ZBTB41: variants seen among roughly 807,000 people sequenced by gnomAD.
The protein encoded by ZBTB41 is zinc finger and BTB domain containing 41.
A neutral mutation model predicts 87.6 loss-of-function variants in ZBTB41; 42 were observed. The observed-to-expected ratio is 0.48, with a 90% CI of 0.37 to 0.62. ZBTB41 has a LOEUF of 0.62. Among genes scored for constraint, ZBTB41 ranks in the 20% least tolerant of loss-of-function variants. The pLI, the probability that ZBTB41 is intolerant of heterozygous loss-of-function variation, is 0.00. For missense variants in ZBTB41, 799 were observed against 1,078.9 expected (o/e 0.74, Z 3.63); for synonymous variants, 364 against 364.0 (o/e 1.00, Z 0.00).
At chr1:197,173,820 C>T (rs553898534) in intron 9 of ZBTB41, among the ~76,000 whole-genome samples, 16 of 152,044 alleles carry the variant, frequency 1.1e-4, no homozygotes, top group Non-Finnish European at 2.2e-4. Context: ...AAGTAGTACT[C>T]GACTGGGGGC....
At chr1:197,183,872 A>G (rs1271511968) in intron 5 of ZBTB41, among the ~76,000 whole-genome samples, 1 of 152,174 alleles carries the variant, frequency 6.6e-6, no homozygotes, top group African/African-American at 2.4e-5. Context: ...TTCCAGTTCA[A>G]CCACTTCTGA....
At position 197,158,089 on chromosome 1, in the gene ZBTB41, A is replaced by C. The variant is rs745997442; in HGVS notation, c.*1270T>G. The stretch of plus-strand genomic sequence containing the variant: ...TTATCTTAGTTTTTAGTTAAAATTG[A>C]CTTGAAAATATGGAAAGTGCATGTC... On this transcript the variant is annotated 3_prime_UTR_variant, in exon 11 of 11. Transcript: ENST00000367405. 7.2e-5 allele frequency: 11 copies of C among 152,508 alleles called. No individual in the cohort carries two copies. The highest frequency in any genetic ancestry group is 2.6e-4 in the African/African-American group (11 of 41,554). The allele number at this position is 152,508 out of a possible 1,614,324, so 9.4% of individuals were successfully genotyped here.
At position 197,155,311 on chromosome 1, in the gene ZBTB41, TAAA is replaced by T. The variant is rs986678895; in HGVS notation, c.*4045_*4047del. The stretch of plus-strand genomic sequence containing the variant: ...TTGCCTATATAAACATAAAGCAACC[TAAA>T]AAAAAAAAGTTGCCCAACCAGCAGG... On this transcript the variant is annotated 3_prime_UTR_variant, in exon 11 of 11. Coordinates refer to ENST00000367405, the MANE Select transcript of ZBTB41 (RefSeq NM_194314.3). The T allele has an allele frequency of 1.4e-5, 2 of 138,174 alleles. No individual in the cohort carries two copies. The highest frequency in any genetic ancestry group is 2.7e-5 in the African/African-American group (1 of 37,504). 8.6% of individuals were successfully genotyped at this position (138,174 alleles called of 1,614,324 possible).
chr1:197,169,642 G>A (rs1345971634), intron 10 of ZBTB41, among the ~76,000 whole-genome samples: 1 of 151,886 alleles, frequency 6.6e-6, no homozygotes, highest in Admixed American at 6.6e-5. Context: ...CTACATTGAT[G>A]GATTCATTCA....
chr1:197,186,424 T>C (rs1659884879), intron 5 of ZBTB41, among the ~76,000 whole-genome samples: 1 of 152,172 alleles, frequency 6.6e-6, no homozygotes, highest in Non-Finnish European at 1.5e-5. Context: ...TTGGACTTAA[T>C]TAAAATTTTC....
chr1:197,200,342 A>G lies in ZBTB41; in HGVS notation c.132T>C (p.Thr44=). The change falls in exon 2 of 11, where the codon ACT becomes ACC. Residue 44 remains threonine, a synonymous_variant. Coordinates refer to ENST00000367405, the MANE Select transcript of ZBTB41 (RefSeq NM_194314.3). ...VTYTHSAGRP[T]PEALHCYQEL... ...CCTGGTAACAGTGAAGAGCTTCAGG[A>G]GTTGGTCTTCCTGCAGAATGAGTAT... 1.9e-6 allele frequency: 3 copies of G among 1,614,192 alleles called. No homozygotes were observed. Among genetic ancestry groups the G allele is most frequent in the Non-Finnish European group, 1.7e-6 (2 of 1,180,036 alleles).
chr1:197,176,644 T>A lies in ZBTB41; in HGVS notation c.1799A>T (p.Asp600Val). The A allele has an allele frequency of 6.2e-7, 1 of 1,611,728 alleles. No individual in the cohort carries two copies. Among genetic ancestry groups the A allele is most frequent in the Non-Finnish European group, 8.5e-7 (1 of 1,178,808 alleles). Residue 600 changes from aspartate (D) to valine (V), a missense_variant, in exon 8 of 11, where the codon GAT becomes GTT. Around this residue, in one of 5 missense-constraint regions of ZBTB41, gnomAD observed 198 missense variants for 358.4 expected, o/e 0.55. Coordinates refer to ENST00000367405, the MANE Select transcript of ZBTB41 (RefSeq NM_194314.3). ...YRLHLRVHHD[D>V]KRYECDECGK... ...ACATTCATCGCACTCATATCTTTTA[T>A]CATCATGATGTACTCGTAAGTGAAG... is the stretch of plus-strand genomic sequence containing the variant.
chr1:197,163,530 T>A (rs1659247524), intron 10 of ZBTB41, among the ~76,000 whole-genome samples: 1 of 151,732 alleles, frequency 6.6e-6, no homozygotes, highest in Admixed American at 6.6e-5. Context: ...GGAGAGAGAA[T>A]AGGCAATAGC....
chr1:197,192,501 T>A (rs7534539), intron 2 of ZBTB41, among the ~76,000 whole-genome samples: 1 of 152,194 alleles, frequency 6.6e-6, no homozygotes, highest in African/African-American at 2.4e-5. Flanking sequence ...GTCGAACACA[T>A]AAGTTATCAA....
At chr1:197,167,140 GATA>G (rs1659366343) in intron 10 of ZBTB41, among the ~76,000 whole-genome samples, 1 of 152,024 alleles carries the variant, frequency 6.6e-6, no homozygotes, top group African/African-American at 2.4e-5. Context: ...AATTATACAG[GATA>G]ATATATCATG....
intron 7 of ZBTB41, among the ~76,000 whole-genome samples, chr1:197,177,841 A>T (rs1010654929): frequency 6.6e-6 from 1 of 152,260 alleles, no homozygotes; most frequent in African/African-American, 2.4e-5. Context: ...TTAAAGCAAG[A>T]TAAATAATAA....
chr1:197,194,216 T>A (rs571070077), intron 2 of ZBTB41, among the ~76,000 whole-genome samples: 8 of 151,972 alleles, frequency 5.3e-5, no homozygotes, highest in Middle Eastern at 3.4e-3. Context: ...ACGGGTTTCA[T>A]CATATTGGTC....
intron 10 of ZBTB41, among the ~76,000 whole-genome samples, chr1:197,168,275 A>C (rs1416598206): frequency 6.6e-6 from 1 of 152,168 alleles, no homozygotes; most frequent in Non-Finnish European, 1.5e-5. Context: ...AGGTGTTCAC[A>C]GACTGGATAA....
At chr1:197,197,145 C>A (rs1476150296) in intron 2 of ZBTB41, among the ~76,000 whole-genome samples, 3 of 152,014 alleles carry the variant, frequency 2.0e-5, no homozygotes, top group Non-Finnish European at 4.4e-5. Flanking sequence ...TCATAATAAC[C>A]TTTCCCTACC....
chr1:197,163,015 T>C (rs1375249718), intron 10 of ZBTB41, among the ~76,000 whole-genome samples: 2 of 152,064 alleles, frequency 1.3e-5, no homozygotes, highest in Non-Finnish European at 2.9e-5. Context: ...GGCTACAGGG[T>C]TGACCAATAT....
At chr1:197,193,397 C>A (rs1249373794) in intron 2 of ZBTB41, among the ~76,000 whole-genome samples, 5 of 148,006 alleles carry the variant, frequency 3.4e-5, no homozygotes, top group African/African-American at 7.3e-5. Flanking sequence ...AAAAAAAAAC[C>A]AAAAAAACAA....
chr1:197,198,565 G>C (rs1660223929), intron 2 of ZBTB41, among the ~76,000 whole-genome samples: 1 of 152,010 alleles, frequency 6.6e-6, no homozygotes, highest in South Asian at 2.1e-4. Context: ...CTTAATTGTT[G>C]CAACTGAAAA....
Position 197,159,512 on chromosome 1 carries a change from T to G in ZBTB41, c.2577A>C (p.Lys859Asn), listed in dbSNP as rs774843599. ...PRAADLAFLE[K>N]YTLTPQPANI... ...TTGCAGGTTGAGGAGTAAGAGTATA[T>G]TTTTCCAGAAAAGCTAAATCCGCTG... is the stretch of plus-strand genomic sequence containing the variant. The change falls in exon 11 of 11, where the codon AAA becomes AAC. Residue 859 changes from lysine to asparagine, a missense_variant. This residue lies in a region of ZBTB41 where 171 missense variants were observed against 191.9 expected (regional missense o/e 0.89). Coordinates refer to ENST00000367405, the MANE Select transcript of ZBTB41 (RefSeq NM_194314.3). 2 of 1,613,818 alleles carry G rather than the reference T, an allele frequency of 1.2e-6. No homozygotes were observed. The highest frequency in any genetic ancestry group is 2.7e-5 in the African/African-American group (2 of 74,904).
At position 197,198,740 on chromosome 1, in the gene ZBTB41, T is replaced by C. The variant is rs556943288; in HGVS notation, c.1120+614A>G. 3.9e-5 allele frequency among the ~76,000 whole-genome samples: 6 copies of C among 152,324 alleles called. No individual in the cohort carries two copies. In the South Asian group the frequency reaches 1.2e-3, roughly 32 times the overall value. ...AAAAAAGTTGATGTATTCATTATTATAACAACCAAAGCTTCTTGGCCTTTT... is the reference window on the plus strand; with the variant it reads ...AAAAAAGTTGATGTATTCATTATTACAACAACCAAAGCTTCTTGGCCTTTT... On this transcript the variant is annotated intron_variant, in intron 2 of 10. Transcript: ENST00000367405.
Sources: allele counts gnomAD v4.1 joint callset (sites outside exome capture counted in the v4.1 genomes callset), GRCh38; gene constraint gnomAD v4.1.1; regional missense constraint gnomAD v4.1.1; transcripts MANE v1.5; gene names NCBI Gene and HGNC (gene_info 2026-07-23, HGNC 2026-07-21).